Variants in ZNF398 observed in about 807,000 individuals in gnomAD.
The protein encoded by ZNF398 is zinc finger DNA binding protein ZER6.
Under a neutral mutation model 41.9 loss-of-function variants are expected in ZNF398, and 18 were observed. The ratio of observed to expected loss-of-function variants is 0.43; its 90% confidence interval spans 0.30 to 0.64. The LOEUF is 0.64. Among genes scored for constraint, ZNF398 ranks in the 30% least tolerant of loss-of-function variants. The pLI, the probability that ZNF398 is intolerant of heterozygous loss-of-function variation, is 0.14. For missense variants in ZNF398, 669 were observed against 822.8 expected, an observed-to-expected ratio of 0.81 and a Z score of 2.29; for synonymous variants, 260 against 308.8, an observed-to-expected ratio of 0.84 and a Z score of 1.66.
At chr7:149,176,236 G>T (rs189776954) in intron 4 of ZNF398, among the ~76,000 whole-genome samples, 97 of 152,106 alleles carry the variant, frequency 6.4e-4, no homozygotes, top group African/African-American at 2.1e-3. Flanking sequence ...CCAGCTACTC[G>T]GGAGGCTGAG....
chr7:149,151,335 A>G lies in ZNF398; in HGVS notation c.25-2610A>G, dbSNP rs1827108792. ...GAGTTGGAAGTGACTGATGTGATCA[A>G]TTAGAGAAAAAAAGCCAGGAACGGG... On this transcript the variant is annotated intron_variant, in intron 1 of 5. Transcript: ENST00000475153. The G allele has an allele frequency of 1.9e-5, 20 of 1,050,946 alleles. No individual in the cohort carries two copies. The South Asian group carries it at 2.4e-4, about 13-fold the overall frequency. 65.1% of individuals were successfully genotyped at this position (1,050,946 alleles called of 1,614,324 possible). A position where few individuals can be genotyped will look rare whatever the true frequency, so the allele number is the denominator to read the frequency against.
chr7:149,141,579 T>G (rs1473656581), intron 2 of ZNF398, among the ~76,000 whole-genome samples: 1 of 149,634 alleles, frequency 6.7e-6, no homozygotes, highest in Non-Finnish European at 1.5e-5. Flanking sequence ...CTCAGCCTCC[T>G]GAGTAGCTGG....
At chr7:149,152,323 C>T (rs573892574) in intron 1 of ZNF398, among the ~76,000 whole-genome samples, 238 of 146,598 alleles carry the variant, frequency 1.6e-3, no homozygotes, top group Middle Eastern at 3.8e-3. Context: ...TGCAGTGGCG[C>T]GAAGTTGGGT....
At chr7:149,151,941 A>G (rs949998740) in intron 1 of ZNF398, among the ~76,000 whole-genome samples, 5 of 152,178 alleles carry the variant, frequency 3.3e-5, no homozygotes, top group African/African-American at 1.2e-4. Context: ...AATCATATAT[A>G]AAATAATGTG....
intron 5 of ZNF398, among the ~76,000 whole-genome samples, chr7:149,177,711 T>G (rs1795491673): frequency 6.6e-6 from 1 of 152,148 alleles, no homozygotes; most frequent in Non-Finnish European, 1.5e-5. Flanking sequence ...GAATAGATAA[T>G]TATGTGATTT....
chr7:149,131,633 C>T (rs1468613359), intron 2 of ZNF398, among the ~76,000 whole-genome samples: 2 of 152,100 alleles, frequency 1.3e-5, no homozygotes, highest in Admixed American at 1.3e-4. Flanking sequence ...TTGCAGTGAG[C>T]CAAGATCGGG....
chr7:149,171,532 C>T lies in ZNF398; in HGVS notation c.661+4602C>T, dbSNP rs559125715. 4.9e-3 allele frequency among the ~76,000 whole-genome samples: 739 copies of T among 151,436 alleles called. 4 individuals carry two copies. Among genetic ancestry groups the T allele is most frequent in the South Asian group, 0.012 (59 of 4,804 alleles). On this transcript the variant is annotated intron_variant, in intron 4 of 5. Coordinates refer to ENST00000475153, the MANE Select transcript of ZNF398 (RefSeq NM_170686.3). ...CACAGGCATGCTGCGCCCCCACGCC[C>T]GGCTAATTTTTGCATTTTTATTAGA...
In ZNF398 at chr7:149,178,973, G is replaced by A. The variant is rs756779747; in HGVS notation, c.1101G>A (p.Glu367=). The A allele has an allele frequency of 6.2e-6, 10 of 1,613,976 alleles. No homozygotes were observed. The highest frequency in any genetic ancestry group is 2.7e-5 in the African/African-American group (2 of 74,886). ...LLTHQCSHAT[E]HPLPCAQCPK... Reference sequence around the variant, plus strand: ...CCCACCAATGTAGCCATGCTACTGAGCACCCCTTACCCTGTGCCCAGTGCC... The same window carrying A: ...CCCACCAATGTAGCCATGCTACTGAACACCCCTTACCCTGTGCCCAGTGCC... Residue 367 remains glutamate (E), a synonymous_variant, in exon 6 of 6, where the codon GAG becomes GAA. Coordinates refer to ENST00000475153, the MANE Select transcript of ZNF398 (RefSeq NM_170686.3).
chr7:149,174,782 C>A (rs555327662), intron 4 of ZNF398, among the ~76,000 whole-genome samples: 1 of 152,124 alleles, frequency 6.6e-6, no homozygotes, highest in African/African-American at 2.4e-5. Context: ...GCCAAGATTA[C>A]GCCACTGTAG....
Position 149,181,976 on chromosome 7 carries a change from C to G in ZNF398, c.*2175C>G, listed in dbSNP as rs1795602969. ...AAGTATTGTCTAGGTGCTGAGTTCCCTTTTCTGAGTGGATTTCAAGCATTT... is the reference window on the plus strand; with the variant it reads ...AAGTATTGTCTAGGTGCTGAGTTCCGTTTTCTGAGTGGATTTCAAGCATTT... On this transcript the variant is annotated 3_prime_UTR_variant, in exon 6 of 6. Transcript: ENST00000475153. 6.6e-6 allele frequency: 1 copy of G among 152,154 alleles called. No individual in the cohort carries two copies. Among genetic ancestry groups the G allele is most frequent in the Admixed American group, 6.5e-5 (1 of 15,270 alleles). The allele number at this position is 152,154 out of a possible 1,614,324, so 9.4% of individuals were successfully genotyped here.
intron 4 of ZNF398, among the ~76,000 whole-genome samples, chr7:149,173,785 CTTTTTTTTTT>C (rs528703910): frequency 8.7e-4 from 62 of 71,592 alleles, no homozygotes; most frequent in African/African-American, 2.6e-3. Flanking sequence ...TAGCATAATT[CTTTTTTTTTT>C]TTTTTTTTTT....
intron 4 of ZNF398, among the ~76,000 whole-genome samples, chr7:149,167,358 A>G (rs939288245): frequency 3.3e-5 from 5 of 152,304 alleles, no homozygotes; most frequent in African/African-American, 1.2e-4. Context: ...CCTGGGCAAC[A>G]TGGATTTTCT....
intron 4 of ZNF398, among the ~76,000 whole-genome samples, chr7:149,176,238 GAGGCTGAGGC>G (rs1429564192): frequency 2.0e-5 from 3 of 152,100 alleles, no homozygotes; most frequent in Non-Finnish European, 4.4e-5. Context: ...AGCTACTCGG[GAGGCTGAGGC>G]AGCGGGGAGA....
chr7:149,176,402 A>C, intron 4 of ZNF398, 66 bp from the exon 5 acceptor site: 1 of 1,100,716 alleles, frequency 9.1e-7, no homozygotes. Context: ...TCAGCAAACC[A>C]ACTTGATTAT....
upstream of ZNF398, among the ~76,000 whole-genome samples, chr7:149,142,497 CT>C (rs1203884289): frequency 6.6e-6 from 1 of 152,138 alleles, no homozygotes; most frequent in Non-Finnish European, 1.5e-5. Context: ...GAAACCCCGT[CT>C]CTACTAAAAA....
chr7:149,172,454 C>CG (rs1179320966), intron 4 of ZNF398, among the ~76,000 whole-genome samples: 7 of 151,976 alleles, frequency 4.6e-5, no homozygotes, highest in African/African-American at 1.5e-4. Flanking sequence ...CGCGCTCCCC[C>CG]CCTTTTTAAA....
chr7:149,181,286 A>T lies in ZNF398; in HGVS notation c.*1485A>T, dbSNP rs1218460932. On this transcript the variant is annotated 3_prime_UTR_variant, in exon 6 of 6. Coordinates refer to ENST00000475153, the MANE Select transcript of ZNF398 (RefSeq NM_170686.3). Reference sequence around the variant, plus strand: ...AAGACAGCAAAGTCAAAGCAGATAAATTCTTGTTGAAACTTGACTAAAATT... The same window carrying T: ...AAGACAGCAAAGTCAAAGCAGATAATTTCTTGTTGAAACTTGACTAAAATT... The T allele has an allele frequency of 6.6e-6, 1 of 152,354 alleles. No individual in the cohort carries two copies. The highest frequency in any genetic ancestry group is 1.9e-4 in the East Asian group (1 of 5,198). The allele number at this position is 152,354 out of a possible 1,614,324, so 9.4% of individuals were successfully genotyped here.
chr7:149,156,425 T>C (rs533165376), intron 2 of ZNF398, among the ~76,000 whole-genome samples: 131 of 140,270 alleles, frequency 9.3e-4, no homozygotes, highest in African/African-American at 3.4e-3. Context: ...GAGAATCGCT[T>C]GAAGTTGAGG....
rs1189147728 is a variant in ZNF398 at position 149,181,916 on chromosome 7, A to C, written c.*2115A>C. 1.3e-5 allele frequency: 2 copies of C among 152,182 alleles called. No individual in the cohort carries two copies. Among genetic ancestry groups the C allele is most frequent in the African/African-American group, 4.8e-5 (2 of 41,450 alleles). 9.4% of individuals were successfully genotyped at this position (152,182 alleles called of 1,614,324 possible). On this transcript the variant is annotated 3_prime_UTR_variant, in exon 6 of 6. Transcript: ENST00000475153. ...AATGTGAGATTCAGCTCTAGTTTGC[A>C]CCTTGATTTCCCCAGTGAAAAGGGA...
Sources: allele counts gnomAD v4.1 joint callset (sites outside exome capture counted in the v4.1 genomes callset), GRCh38; gene constraint gnomAD v4.1.1; transcripts MANE v1.5; gene names NCBI Gene and HGNC (gene_info 2026-07-23, HGNC 2026-07-21).